The following NTN1 variants were observed in gnomAD, a reference collection of about 807,000 sequenced individuals.
NTN1 encodes the protein netrin 1.
Under a neutral mutation model 54.2 loss-of-function variants are expected in NTN1, and 11 were observed. That is an observed-to-expected ratio of 0.20 (90% CI 0.13 to 0.34). The LOEUF (loss-of-function observed/expected upper bound fraction) is 0.34, where lower values mean the gene tolerates loss of function less well. NTN1 is among the 10% of genes least tolerant of loss of function. The probability of loss-of-function intolerance (pLI) is 1.00; values close to 1 mark genes in which losing one functional copy is unlikely to be tolerated. For missense variants in NTN1, 740 were observed against 893.1 expected (o/e 0.83, Z 2.18); for synonymous variants, 371 against 382.0 (o/e 0.97, Z 0.33).
At chr17:9,004,060 T>G in the NTN1 span, among the ~76,000 whole-genome samples, 1 of 152,044 alleles carries the variant, frequency 6.6e-6, no homozygotes, top group African/African-American at 2.4e-5. Flanking sequence ...GAGACTCGGG[T>G]GAAGGCCGCA....
Position 9,115,390 on chromosome 17 carries a change from C to T in NTN1, c.1019-47423C>T, listed in dbSNP as rs182568358. Among the ~76,000 whole-genome samples the T allele has an allele frequency of 5.3e-3, 804 of 152,312 alleles. 6 individuals carry two copies. Among genetic ancestry groups the T allele is most frequent in the Non-Finnish European group, 8.0e-3 (543 of 68,034 alleles). The stretch of plus-strand genomic sequence containing the variant: ...GCCTTGCATGTGTTCCCCAGGGTCT[C>T]CCGGGGGTCTCCTGCTCACCAGTTA... On this transcript the variant is annotated intron_variant, in intron 2 of 6. Transcript: ENST00000173229.
intron 6 of NTN1, among the ~76,000 whole-genome samples, chr17:9,232,235 G>A (rs1905839447): frequency 6.6e-6 from 1 of 152,224 alleles, no homozygotes; most frequent in South Asian, 2.1e-4. Flanking sequence ...CCAGGCTGCT[G>A]TGCTGGAGGC....
intron 6 of NTN1, among the ~76,000 whole-genome samples, chr17:9,224,453 G>T (rs1006780750): frequency 4.6e-5 from 7 of 152,182 alleles, no homozygotes; most frequent in African/African-American, 9.7e-5. Context: ...CCCTTTGCCC[G>T]ACACCCGACT....
intron 2 of NTN1, among the ~76,000 whole-genome samples, chr17:9,111,916 G>A (rs957071854): frequency 1.3e-5 from 2 of 152,162 alleles, no homozygotes; most frequent in Non-Finnish European, 2.9e-5. Context: ...ACCTGTAAAT[G>A]GACCCACACA....
intron 2 of NTN1, among the ~76,000 whole-genome samples, chr17:9,151,072 G>A (rs1197284822): frequency 6.6e-6 from 1 of 152,108 alleles, no homozygotes. Context: ...ATTTCTGCTT[G>A]AAGAAGGAGA....
chr17:9,141,588 GACAGT>G (rs1220434644), intron 2 of NTN1, among the ~76,000 whole-genome samples: 1 of 152,046 alleles, frequency 6.6e-6, no homozygotes, highest in Non-Finnish European at 1.5e-5. Context: ...GCTGGGGAGA[GACAGT>G]ACCTAGGGAG....
chr17:9,109,799 A>T (rs1390421900), intron 2 of NTN1, among the ~76,000 whole-genome samples: 1 of 152,222 alleles, frequency 6.6e-6, no homozygotes, highest in African/African-American at 2.4e-5. Flanking sequence ...TATTTTTGCC[A>T]TTCCGATGGT....
chr17:9,026,567 C>A (rs2091871801), intron 2 of NTN1, among the ~76,000 whole-genome samples: 2 of 152,112 alleles, frequency 1.3e-5, no homozygotes, highest in Admixed American at 6.5e-5. Flanking sequence ...AAAGAAGTAC[C>A]CATGCATGGT....
intron 2 of NTN1, among the ~76,000 whole-genome samples, chr17:9,127,762 A>AGTAGAATGTCT (rs1242130787): frequency 1.3e-5 from 2 of 152,146 alleles, no homozygotes; most frequent in Non-Finnish European, 2.9e-5. Context: ...GCCAGACATG[A>AGTAGAATGTCT]GCGGCTTGGG....
the NTN1 span, among the ~76,000 whole-genome samples, chr17:9,004,948 C>T: frequency 1.4e-3 from 206 of 152,306 alleles, no homozygotes; most frequent in Non-Finnish European, 2.4e-3. Context: ...CTCCGTACTA[C>T]TCATCAACTT....
At chr17:9,018,500 G>A (rs1245915735), upstream of NTN1, among the ~76,000 whole-genome samples, 1 of 151,990 alleles carries the variant, frequency 6.6e-6, no homozygotes, top group Non-Finnish European at 1.5e-5. Flanking sequence ...CAGGTGTGGT[G>A]GTGGGTACCT....
At chr17:9,126,212 TAA>T (rs758388202) in intron 2 of NTN1, among the ~76,000 whole-genome samples, 2 of 152,084 alleles carry the variant, frequency 1.3e-5, no homozygotes. Flanking sequence ...GCTAAGGAAA[TAA>T]AAAGAGAGAT....
chr17:9,075,641 C>T lies in NTN1; in HGVS notation c.1018+52250C>T, dbSNP rs568336768. On this transcript the variant is annotated intron_variant, in intron 2 of 6. Transcript: ENST00000173229. ...GGCCTGTCAGCCTCTCCAAGCTCAT[C>T]GTCATTGCCCCTCCTAGCTTCTTTG... is the stretch of plus-strand genomic sequence containing the variant. 5.9e-4 allele frequency among the ~76,000 whole-genome samples: 90 copies of T among 152,362 alleles called. 1 individual carries two copies. The South Asian group carries it at 0.013, about 21-fold the overall frequency.
rs1460500841 is a variant in NTN1, at chr17:9,221,179, T to C, written c.1423T>C (p.Tyr475His). 6 of 1,419,788 alleles carry C rather than the reference T, an allele frequency of 4.2e-6. No individual in the cohort carries two copies. In the African/African-American group the frequency reaches 9.3e-5, roughly 22 times the overall value. 87.9% of individuals were successfully genotyped at this position (1,419,788 alleles called of 1,614,324 possible). A position where few individuals can be genotyped will look rare whatever the true frequency, so the allele number is the denominator to read the frequency against. The change falls in exon 6 of 7, where the codon TAC (tyrosine) becomes CAC (histidine). Residue 475 changes from tyrosine to histidine, a missense_variant. Physicochemically the swap from Tyr to His is moderately conservative, Grantham distance 83. Transcript: ENST00000173229. The surrounding 1 kb of genome is among the most constrained non-coding windows in gnomAD (Gnocchi z 4.5). Reference protein sequence around the residue: ...SVEEPEDCDSYCKASKGKLKI... With the variant: ...SVEEPEDCDSHCKASKGKLKI... ...CCACCCCCCTGCAGACTGCGATTCC[T>C]ACTGCAAGGCCTCCAAGGGGAAGCT...
rs528041313 is a variant in NTN1, at chr17:9,219,787, C to T, written c.1412-1381C>T. ...ACCTTGACCTTTGTTTTCCCCTCTGCGGGATAGGACGCTGCCACCTGCCCC... is the reference window on the plus strand; with the variant it reads ...ACCTTGACCTTTGTTTTCCCCTCTGTGGGATAGGACGCTGCCACCTGCCCC... On this transcript the variant is annotated intron_variant, in intron 5 of 6. Transcript: ENST00000173229. The surrounding 1 kb of genome is among the most constrained non-coding windows in gnomAD (Gnocchi z 4.5). Among the ~76,000 whole-genome samples the T allele has an allele frequency of 6.6e-6, 1 of 152,332 alleles. No homozygotes were observed. The highest frequency in any genetic ancestry group is 1.5e-5 in the Non-Finnish European group (1 of 68,030).
the NTN1 span, among the ~76,000 whole-genome samples, chr17:9,009,398 G>A: frequency 3.8e-4 from 58 of 152,310 alleles, no homozygotes; most frequent in African/African-American, 1.1e-3. Context: ...CACCTTCTGC[G>A]TAGTTTCTGG....
At chr17:9,027,001 T>G (rs949648286) in intron 2 of NTN1, among the ~76,000 whole-genome samples, 3 of 152,146 alleles carry the variant, frequency 2.0e-5, no homozygotes. Flanking sequence ...CTTGTGATTG[T>G]TTAAATGTGG....
intron 2 of NTN1, among the ~76,000 whole-genome samples, chr17:9,032,194 C>T (rs1250271118): frequency 6.6e-6 from 1 of 152,120 alleles, no homozygotes; most frequent in South Asian, 2.1e-4. Context: ...GGATTTGGCT[C>T]CTGTACCACG....
At chr17:9,092,491 T>C (rs1441169278) in intron 2 of NTN1, among the ~76,000 whole-genome samples, 1 of 151,882 alleles carries the variant, frequency 6.6e-6, no homozygotes, top group East Asian at 1.9e-4. Flanking sequence ...GGTTTCATGA[T>C]GTTGGCCAGG....
Sources: allele counts gnomAD v4.1 joint callset (sites outside exome capture counted in the v4.1 genomes callset), GRCh38; gene constraint gnomAD v4.1.1; non-coding constraint Gnocchi (gnomAD v3.1); transcripts MANE v1.5; gene names NCBI Gene and HGNC (gene_info 2026-07-23, HGNC 2026-07-21).